Variants in NWD2 observed in about 807,000 individuals in gnomAD.
NWD2 encodes NACHT and WD repeat domain-containing protein 2.
NWD2 carries 37 observed loss-of-function variants against 132.7 expected under a neutral mutation model. That is an observed-to-expected ratio of 0.28 (90% CI 0.21 to 0.37). The LOEUF (loss-of-function observed/expected upper bound fraction) is 0.37, where lower values mean the gene tolerates loss of function less well. Ranked by LOEUF, NWD2 falls within the 10% of genes least tolerant of loss-of-function variation. The pLI, the probability that NWD2 is intolerant of heterozygous loss-of-function variation, is 1.00. For synonymous variants in NWD2, 705 were observed against 803.0 expected, an observed-to-expected ratio of 0.88 and a Z score of 2.06; for missense variants, 1,592 against 2,122.4, an observed-to-expected ratio of 0.75 and a Z score of 4.91.
intron 1 of NWD2, among the ~76,000 whole-genome samples, chr4:37,256,556 A>G (rs1717524869): frequency 6.6e-6 from 1 of 152,188 alleles, no homozygotes; most frequent in Non-Finnish European, 1.5e-5. Context: ...GAATTCAGAA[A>G]CTACTGAAGG....
chr4:37,345,203 GAC>G (rs971574401), intron 2 of NWD2, among the ~76,000 whole-genome samples: 5 of 152,074 alleles, frequency 3.3e-5, no homozygotes, highest in African/African-American at 9.7e-5. Flanking sequence ...TTTTTATGTG[GAC>G]ATATGTTTTC....
At chr4:37,284,918 C>T (rs573088558) in intron 1 of NWD2, among the ~76,000 whole-genome samples, 44 of 152,272 alleles carry the variant, frequency 2.9e-4, no homozygotes, top group Non-Finnish European at 5.1e-4. Flanking sequence ...GGTACTTGGC[C>T]TACCTGCCTT....
In NWD2 at chr4:37,443,305, G is replaced by A. The variant is rs996853716; in HGVS notation, c.1317G>A (p.Glu439=). The A allele has an allele frequency of 4.5e-6, 7 of 1,550,038 alleles. No homozygotes were observed. In the Admixed American group the frequency reaches 1.2e-4, roughly 26 times the overall value. The change falls in exon 7 of 7, where the codon GAG becomes GAA. Residue 439 remains glutamate, a synonymous_variant. Coordinates refer to ENST00000309447, the MANE Select transcript of NWD2 (RefSeq NM_001144990.2). This position sits in a 1 kb window ranked among gnomAD's most constrained non-coding sequence, Gnocchi z 4.1. Reference sequence around the variant, plus strand: ...TTCAGGCTTATGGCTGGCTACATGAGGACACAGGACCAGAATCTGACCCAG... The same window carrying A: ...TTCAGGCTTATGGCTGGCTACATGAAGACACAGGACCAGAATCTGACCCAG... ...VAKKAYGWLH[E]DTGPESDPVV...
rs1035196925 is a variant in NWD2 at position 37,395,844 on chromosome 4, C to T, written c.358-34728C>T. ...GCAATGGCATGATCTCGGCTCACTG[C>T]GACCTCTGGGAGAGGCAGACCCTTT... On this transcript the variant is annotated intron_variant, in intron 3 of 6. Coordinates refer to ENST00000309447, the MANE Select transcript of NWD2 (RefSeq NM_001144990.2). 9.2e-5 allele frequency among the ~76,000 whole-genome samples: 14 copies of T among 151,754 alleles called. No individual in the cohort carries two copies. The East Asian group carries it at 1.0e-3, about 11-fold the overall frequency.
intron 2 of NWD2, among the ~76,000 whole-genome samples, chr4:37,336,799 C>T (rs1251106125): frequency 5.3e-5 from 8 of 151,642 alleles, no homozygotes; most frequent in East Asian, 1.9e-4. Context: ...ATTAGCCAGG[C>T]GTGCTGGTGG....
chr4:37,431,271 G>T (rs1465266798), intron 4 of NWD2, among the ~76,000 whole-genome samples: 1 of 152,104 alleles, frequency 6.6e-6, no homozygotes, highest in Non-Finnish European at 1.5e-5. Context: ...CAAATGAAAA[G>T]ATAAAGAAAA....
In NWD2 at chr4:37,432,692, T is replaced by A. The variant is rs546041864; in HGVS notation, c.562-1184T>A. 4.6e-5 allele frequency among the ~76,000 whole-genome samples: 7 copies of A among 152,338 alleles called. No individual in the cohort carries two copies. The East Asian group carries it at 1.3e-3, about 29-fold the overall frequency. ...TCTTTTTAAATTTTAACTTAATATTTTTTCTTTAACATCTTAAACAGTTCA... is the reference window on the plus strand; with the variant it reads ...TCTTTTTAAATTTTAACTTAATATTATTTCTTTAACATCTTAAACAGTTCA... On this transcript the variant is annotated intron_variant, in intron 4 of 6. Transcript: ENST00000309447.
At chr4:37,338,738 C>T (rs1278130715) in intron 2 of NWD2, among the ~76,000 whole-genome samples, 1 of 152,174 alleles carries the variant, frequency 6.6e-6, no homozygotes, top group Non-Finnish European at 1.5e-5. Flanking sequence ...GTTGTAACAC[C>T]TTTCTTCCAC....
Position 37,446,098 on chromosome 4 carries a change from T to C in NWD2, c.4110T>C (p.Asp1370=), listed in dbSNP as rs1252040027. ...ACTGTGTGTTAACATCCACCGGAGA[T>C]ATAATGGTGACATCAGATGACAAAA... ...VEHCVLTSTG[D]IMVTSDDKSS... The change falls in exon 7 of 7, where the codon GAT becomes GAC. Residue 1370 remains aspartate (D), a synonymous_variant. Coordinates refer to ENST00000309447, the MANE Select transcript of NWD2 (RefSeq NM_001144990.2). The surrounding 1 kb of genome is among the most constrained non-coding windows in gnomAD (Gnocchi z 6.7). 3 of 1,551,528 alleles carry C rather than the reference T, an allele frequency of 1.9e-6. No individual in the cohort carries two copies. The highest frequency in any genetic ancestry group is 2.4e-5 in the East Asian group (1 of 40,934).
chr4:37,422,232 A>C (rs2109323149), intron 3 of NWD2, among the ~76,000 whole-genome samples: 1 of 152,304 alleles, frequency 6.6e-6, no homozygotes, highest in Admixed American at 6.5e-5. Context: ...ATTATAATAC[A>C]AACAGCTTCA....
intron 1 of NWD2, among the ~76,000 whole-genome samples, chr4:37,274,477 T>C (rs192531544): frequency 1.3e-5 from 2 of 152,234 alleles, no homozygotes; most frequent in East Asian, 1.9e-4. Flanking sequence ...ACCAGACAGA[T>C]TGACAGCCGA....
intron 2 of NWD2, among the ~76,000 whole-genome samples, chr4:37,335,254 C>T (rs987853018): frequency 2.8e-5 from 4 of 142,222 alleles, no homozygotes; most frequent in Non-Finnish European, 4.5e-5. Context: ...TTTCCTTTCC[C>T]ACCCTGAATT....
intron 2 of NWD2, among the ~76,000 whole-genome samples, chr4:37,340,346 G>T (rs1223418379): frequency 6.6e-6 from 1 of 152,078 alleles, no homozygotes; most frequent in Non-Finnish European, 1.5e-5. Context: ...CCTCCTCATT[G>T]GCATCTACCC....
intron 1 of NWD2, among the ~76,000 whole-genome samples, chr4:37,309,030 G>C (rs546363891): frequency 6.6e-6 from 1 of 152,336 alleles, no homozygotes; most frequent in African/African-American, 2.4e-5. Context: ...GATTGCATGA[G>C]AGAGCACAGG....
chr4:37,377,294 G>T (rs918762520), intron 3 of NWD2, among the ~76,000 whole-genome samples: 1 of 152,186 alleles, frequency 6.6e-6, no homozygotes, highest in Non-Finnish European at 1.5e-5. Flanking sequence ...CAATGAAAGA[G>T]AAGATAATTT....
chr4:37,346,689 G>A (rs868052176), intron 2 of NWD2, among the ~76,000 whole-genome samples: 14 of 151,892 alleles, frequency 9.2e-5, no homozygotes, highest in East Asian at 5.8e-4. Context: ...AATTTCTTTC[G>A]ACAATTTTTC....
At position 37,446,831 on chromosome 4, in the gene NWD2, C is replaced by T. The variant is rs1380154390; in HGVS notation, c.4843C>T (p.Leu1615Phe). The T allele has an allele frequency of 3.2e-6, 5 of 1,551,708 alleles. No individual in the cohort carries two copies. Among genetic ancestry groups the T allele is most frequent in the Non-Finnish European group, 4.4e-6 (5 of 1,147,056 alleles). Reference sequence around the variant, plus strand: ...TGGCAAAAATATCGGTGCTTGTTCCCTTTACAAAACACCAACTTTCCTTGC... The same window carrying T: ...TGGCAAAAATATCGGTGCTTGTTCCTTTTACAAAACACCAACTTTCCTTGC... ...ADGKNIGACSLYKTPTFLALS... is the reference protein window; with the variant it reads ...ADGKNIGACSFYKTPTFLALS... Residue 1615 changes from leucine to phenylalanine, a missense_variant, in exon 7 of 7, where the codon CTT (leucine) becomes TTT (phenylalanine). Coordinates refer to ENST00000309447, the MANE Select transcript of NWD2 (RefSeq NM_001144990.2). The surrounding 1 kb of genome is among the most constrained non-coding windows in gnomAD (Gnocchi z 6.7).
In NWD2 at chr4:37,342,626, C is replaced by T. The variant is rs549275048; in HGVS notation, c.241-13740C>T. Among the ~76,000 whole-genome samples, 6 of 152,296 alleles carry T rather than the reference C, an allele frequency of 3.9e-5. No homozygotes were observed. In the East Asian group the frequency reaches 1.2e-3, roughly 29 times the overall value. On this transcript the variant is annotated intron_variant, in intron 2 of 6. Coordinates refer to ENST00000309447, the MANE Select transcript of NWD2 (RefSeq NM_001144990.2). ...CCATCTTGCCACTACTTCTCTGCCC[C>T]TCAAAACTCCTGGTCCCTTCTCTCT...
At chr4:37,258,435 G>C (rs78752158) in intron 1 of NWD2, among the ~76,000 whole-genome samples, 2,799 of 152,338 alleles carry the variant, frequency 0.018, 84 homozygotes, top group African/African-American at 0.064. Context: ...TTTTGAGTGA[G>C]TCAGTGAACG....
Sources: allele counts gnomAD v4.1 joint callset (sites outside exome capture counted in the v4.1 genomes callset), GRCh38; gene constraint gnomAD v4.1.1; non-coding constraint Gnocchi (gnomAD v3.1); transcripts MANE v1.5; gene names NCBI Gene and HGNC (gene_info 2026-07-23, HGNC 2026-07-21).